LRCH1: variants seen among roughly 807,000 people sequenced by gnomAD.
The protein encoded by LRCH1 is leucine rich repeats and calponin homology domain containing 1.
In LRCH1, 23 loss-of-function variants were observed where a neutral mutation model predicts 94.9. The ratio of observed to expected loss-of-function variants is 0.24; its 90% CI spans 0.17 to 0.34. The LOEUF (loss-of-function observed/expected upper bound fraction) is 0.34, where lower values mean the gene tolerates loss of function less well. LRCH1 is among the 10% of genes least tolerant of loss of function. The pLI is 1.00. For missense variants in LRCH1, 790 were observed against 945.9 expected (o/e 0.84, Z 2.16); for synonymous variants, 364 against 354.9 (o/e 1.03, Z -0.29).
chr13:46,605,882 T>G (rs980876075), intron 1 of LRCH1, among the ~76,000 whole-genome samples: 21 of 152,214 alleles, frequency 1.4e-4, no homozygotes, highest in Admixed American at 6.5e-4. Context: ...AGACTACTTA[T>G]GAAAGATAAG....
intron 2 of LRCH1, among the ~76,000 whole-genome samples, chr13:46,663,385 T>C (rs1035216020): frequency 2.0e-5 from 3 of 151,998 alleles, no homozygotes; most frequent in African/African-American, 7.3e-5. Context: ...TTAATGATGG[T>C]GGAATGTAGG....
intron 1 of LRCH1, among the ~76,000 whole-genome samples, chr13:46,642,797 G>A (rs553105610): frequency 1.7e-3 from 261 of 152,318 alleles, no homozygotes; most frequent in Non-Finnish European, 2.7e-3. Context: ...AATAGGTTGT[G>A]TCGTCTGCTC....
intron 16 of LRCH1, chr13:46,717,538 A>AAT (rs1237606869): frequency 2.0e-5 from 3 of 152,264 alleles, no homozygotes; most frequent in South Asian, 4.1e-4. Context: ...AGTCTTTACA[A>AAT]ATATTTGTTT....
intron 1 of LRCH1, among the ~76,000 whole-genome samples, chr13:46,598,037 T>G (rs1458548212): frequency 6.6e-6 from 1 of 152,050 alleles, no homozygotes; most frequent in Non-Finnish European, 1.5e-5. Context: ...TCCCAGCACT[T>G]TGGGAGGCCG....
intron 2 of LRCH1, among the ~76,000 whole-genome samples, chr13:46,653,247 C>T (rs560633911): frequency 1.3e-5 from 2 of 152,308 alleles, no homozygotes; most frequent in South Asian, 2.1e-4. Context: ...CTCCCACTTA[C>T]ATGGGTCATT....
At chr13:46,597,023 C>G (rs761053451) in intron 1 of LRCH1, among the ~76,000 whole-genome samples, 10 of 152,220 alleles carry the variant, frequency 6.6e-5, no homozygotes, top group Non-Finnish European at 1.5e-4. Context: ...TGGGTTAATA[C>G]AGTCGATCCT....
intron 1 of LRCH1, among the ~76,000 whole-genome samples, chr13:46,601,480 A>G (rs73485941): frequency 0.027 from 4,050 of 152,298 alleles, 166 homozygotes; most frequent in African/African-American, 0.092. Context: ...GAGAATGACT[A>G]GTCATTATTT....
chr13:46,742,124 C>A lies in LRCH1; in HGVS notation c.*276C>A. ...TTCCTCATCCACATAGTGCCAGCAG[C>A]AGTGCCACGCAGTTCCTCCTCTCCC... On this transcript the variant is annotated 3_prime_UTR_variant, in exon 20 of 20. Coordinates refer to ENST00000389797, the MANE Select transcript of LRCH1 (RefSeq NM_001164211.2). 7.9e-7 allele frequency: 1 copy of A among 1,262,666 alleles called. No homozygotes were observed. The allele number at this position is 1,262,666 out of a possible 1,614,324, so 78.2% of individuals were successfully genotyped here. A position where few individuals can be genotyped will look rare whatever the true frequency, so the allele number is the denominator to read the frequency against.
chr13:46,577,433 T>C (rs1390844592), intron 1 of LRCH1, among the ~76,000 whole-genome samples: 2 of 152,166 alleles, frequency 1.3e-5, no homozygotes, highest in Admixed American at 6.5e-5. Context: ...CCTAATTAGG[T>C]CAGGCCCACT....
chr13:46,699,285 G>C (rs1268251880), intron 9 of LRCH1, 51 bp from the exon 10 acceptor site: 2 of 1,475,570 alleles, frequency 1.4e-6, no homozygotes, highest in Non-Finnish European at 1.9e-6. Flanking sequence ...TTTGGCTCCT[G>C]ACTACTGAGT....
chr13:46,699,545 G>A (rs1171282880), intron 10 of LRCH1, 142 bp downstream of exon 10: 1 of 726,260 alleles, frequency 1.4e-6, no homozygotes. Context: ...ATAAGAAGTT[G>A]CCAGTTTTTC....
chr13:46,742,360 A>C lies in LRCH1; in HGVS notation c.*512A>C, dbSNP rs1030304697. The C allele has an allele frequency of 2.0e-5, 20 of 995,466 alleles. No individual in the cohort carries two copies. The African/African-American group carries it at 3.3e-4, about 16-fold the overall frequency. 61.7% of individuals were successfully genotyped at this position (995,466 alleles called of 1,614,324 possible). ...CCCAACTTGATCTATACAAAACTTTAATAATACCACTACTGACCAAGTTGG... is the reference window on the plus strand; with the variant it reads ...CCCAACTTGATCTATACAAAACTTTCATAATACCACTACTGACCAAGTTGG... On this transcript the variant is annotated 3_prime_UTR_variant, in exon 20 of 20. Coordinates refer to ENST00000389797, the MANE Select transcript of LRCH1 (RefSeq NM_001164211.2).
intron 7 of LRCH1, among the ~76,000 whole-genome samples, 178 bp downstream of exon 7, chr13:46,689,374 G>A (rs1278164271): frequency 6.6e-6 from 1 of 152,090 alleles, no homozygotes; most frequent in Admixed American, 6.5e-5. Flanking sequence ...AATATTAGCT[G>A]TTGTTACTTA....
chr13:46,666,466 T>A (rs1449944171), intron 2 of LRCH1, among the ~76,000 whole-genome samples: 1 of 152,210 alleles, frequency 6.6e-6, no homozygotes, highest in Non-Finnish European at 1.5e-5. Context: ...CACCAACTAG[T>A]GAGACGGATA....
intron 1 of LRCH1, among the ~76,000 whole-genome samples, chr13:46,573,642 C>T (rs1269027881): frequency 2.0e-5 from 3 of 151,550 alleles, no homozygotes; most frequent in Non-Finnish European, 4.4e-5. Flanking sequence ...AGACAAACTT[C>T]GCATGTTCTC....
At chr13:46,710,376 AG>A (rs769127963) in intron 13 of LRCH1, among the ~76,000 whole-genome samples, 4 of 152,118 alleles carry the variant, frequency 2.6e-5, no homozygotes, top group Non-Finnish European at 5.9e-5. Flanking sequence ...CGGAAAGGGG[AG>A]GCCAGGATTA....
chr13:46,562,834 C>T (rs529381338), intron 1 of LRCH1, among the ~76,000 whole-genome samples: 10 of 152,292 alleles, frequency 6.6e-5, no homozygotes, highest in Admixed American at 2.0e-4. Context: ...CCTGCATCCA[C>T]GCTGAGAGTC....
intron 1 of LRCH1, among the ~76,000 whole-genome samples, chr13:46,596,544 T>A (rs1354362644): frequency 6.6e-6 from 1 of 152,222 alleles, no homozygotes; most frequent in African/African-American, 2.4e-5. Context: ...TCTTAGCATA[T>A]ATCTGGAAAT....
intron 1 of LRCH1, among the ~76,000 whole-genome samples, chr13:46,612,789 A>G (rs533655001): frequency 6.6e-6 from 1 of 152,320 alleles, no homozygotes; most frequent in Non-Finnish European, 1.5e-5. Flanking sequence ...ACAGATTACA[A>G]TATCATTTTG....
Sources: gnomAD v4.1 joint callset for allele counts (sites outside exome capture counted in the v4.1 genomes callset) on GRCh38, gnomAD v4.1.1 for gene constraint, MANE v1.5 for transcripts, NCBI Gene and HGNC (gene_info 2026-07-23, HGNC 2026-07-21) for gene names.